Variants in QSER1 observed in about 807,000 individuals in gnomAD.
QSER1 encodes the protein glutamine and serine rich 1, also known as glutamine and serine-rich protein 1.
Under a neutral mutation model 158.5 loss-of-function variants are expected in QSER1, and 49 were observed. The ratio of observed to expected loss-of-function variants is 0.31; its 90% confidence interval spans 0.25 to 0.39. The LOEUF is 0.39. Ranked by LOEUF, QSER1 falls within the 10% of genes least tolerant of loss-of-function variation. QSER1 has a pLI of 1.00. For synonymous variants in QSER1, 650 were observed against 715.5 expected (o/e 0.91, Z 1.46); for missense variants, 1,754 against 2,010.3 (o/e 0.87, Z 2.44).
In QSER1 at chr11:32,975,301, C is replaced by A. The variant is rs1852954306; in HGVS notation, c.5412C>A (p.Leu1804=). 3.1e-6 allele frequency: 5 copies of A among 1,597,522 alleles called. No homozygotes were observed. In the East Asian group the frequency reaches 1.1e-4, roughly 36 times the overall value. The stretch of plus-strand genomic sequence containing the variant: ...AGTTGTATTCTTTGTATCATTCACT[C>A]CATCATTATAAGTACCATGTTTATC... ...KIQLYSLYHS[L]HHYKYHVYLI... is the part of the protein sequence containing the mutation. The change falls in exon 12 of 13, where the codon CTC becomes CTA. Residue 1804 remains leucine (L), a synonymous_variant. Transcript: ENST00000650167.
intron 1 of QSER1, among the ~76,000 whole-genome samples, chr11:32,909,818 T>TG (rs201767447): frequency 1.6e-3 from 237 of 151,818 alleles, no homozygotes; most frequent in African/African-American, 3.4e-3. Context: ...GTCGTGTGTA[T>TG]GGGGGGGGTG....
intron 1 of QSER1, among the ~76,000 whole-genome samples, chr11:32,921,204 G>A (rs761841134): frequency 6.6e-5 from 10 of 152,108 alleles, no homozygotes; most frequent in East Asian, 1.9e-4. Context: ...TTGTAATAAG[G>A]TGAACCTTGA....
intron 1 of QSER1, among the ~76,000 whole-genome samples, chr11:32,904,340 C>T (rs1421822174): frequency 3.3e-5 from 5 of 151,926 alleles, no homozygotes; most frequent in East Asian, 1.9e-4. Flanking sequence ...TTAAGGCATG[C>T]GCCACCCCAT....
intron 1 of QSER1, among the ~76,000 whole-genome samples, chr11:32,909,594 C>T (rs769141395): frequency 1.2e-4 from 18 of 152,054 alleles, no homozygotes; most frequent in Admixed American, 1.3e-4. Context: ...CGCACACCAC[C>T]ATGCCTGGCC....
In QSER1 at chr11:32,937,715, A is replaced by G. The variant is rs1310416799; in HGVS notation, c.4177+2280A>G. On this transcript the variant is annotated intron_variant, in intron 4 of 12. Transcript: ENST00000650167. Reference sequence around the variant, plus strand: ...CACCTCTGTGCTTCATGGGAAAAATAAAGATTATATGTAAAAATTCCTTTT... The same window carrying G: ...CACCTCTGTGCTTCATGGGAAAAATGAAGATTATATGTAAAAATTCCTTTT... 3.3e-5 allele frequency among the ~76,000 whole-genome samples: 5 copies of G among 152,246 alleles called. No individual in the cohort carries two copies. In the South Asian group the frequency reaches 1.0e-3, roughly 32 times the overall value.
intron 10 of QSER1, among the ~76,000 whole-genome samples, chr11:32,971,976 T>G (rs1446707063): frequency 3.4e-5 from 5 of 148,898 alleles, no homozygotes; most frequent in African/African-American, 1.2e-4. Context: ...GGCAGGAGAA[T>G]GGCGTGAACC....
At chr11:32,921,852 A>G (rs898527791) in intron 1 of QSER1, among the ~76,000 whole-genome samples, 1 of 152,236 alleles carries the variant, frequency 6.6e-6, no homozygotes. Flanking sequence ...TGAAGACACT[A>G]TAAACACAGT....
chr11:32,973,137 T>A lies in QSER1; in HGVS notation c.5206-260T>A, dbSNP rs546300924. On this transcript the variant is annotated intron_variant, in intron 10 of 12. Coordinates refer to ENST00000650167, the MANE Select transcript of QSER1 (RefSeq NM_001076786.3). ...ATAGAGTTGGCTCAGATTTAAGGGA[T>A]TTAAGGGAAATAGATTACATATCCA... is the stretch of plus-strand genomic sequence containing the variant. Among the ~76,000 whole-genome samples, 4 of 152,326 alleles carry A rather than the reference T, an allele frequency of 2.6e-5. No homozygotes were observed. In the East Asian group the frequency reaches 7.7e-4, roughly 29 times the overall value.
intron 4 of QSER1, among the ~76,000 whole-genome samples, chr11:32,946,516 C>T (rs1442331937): frequency 6.6e-6 from 1 of 152,172 alleles, no homozygotes; most frequent in Non-Finnish European, 1.5e-5. Context: ...TCAGGGTGCC[C>T]CTGCTGGAGG....
intron 1 of QSER1, among the ~76,000 whole-genome samples, chr11:32,905,490 A>G (rs531655212): frequency 8.5e-5 from 13 of 152,340 alleles, no homozygotes; most frequent in African/African-American, 1.4e-4. Context: ...AATGATGTCA[A>G]AGTAAAAGTG....
At chr11:32,901,967 C>T (rs1812183077) in intron 1 of QSER1, among the ~76,000 whole-genome samples, 2 of 152,138 alleles carry the variant, frequency 1.3e-5, no homozygotes, top group Non-Finnish European at 2.9e-5. Context: ...CCTGTGGTCC[C>T]AGCTACTTAG....
chr11:32,945,284 G>C (rs1393028296), intron 4 of QSER1, among the ~76,000 whole-genome samples: 1 of 150,906 alleles, frequency 6.6e-6, no homozygotes, highest in Non-Finnish European at 1.5e-5. Context: ...TCATTATGAT[G>C]TTAGCTGGTT....
At chr11:32,954,259 A>G in intron 5 of QSER1, 80 bp downstream of exon 5, 1 of 1,476,910 alleles carries the variant, frequency 6.8e-7, no homozygotes, top group Non-Finnish European at 9.0e-7. Context: ...CTTCAATAGC[A>G]TGCATCTACT....
At chr11:32,941,670 T>C (rs926326524) in intron 4 of QSER1, among the ~76,000 whole-genome samples, 2 of 152,194 alleles carry the variant, frequency 1.3e-5, no homozygotes, top group African/African-American at 4.8e-5. Context: ...TTTGCCATTC[T>C]GAATAATGCC....
chr11:32,939,184 T>C (rs984347139), intron 4 of QSER1, among the ~76,000 whole-genome samples: 4 of 152,188 alleles, frequency 2.6e-5, no homozygotes, highest in Non-Finnish European at 5.9e-5. Flanking sequence ...AAGTGACTGG[T>C]ATGTTTTTTC....
chr11:32,963,603 G>A (rs989157396), intron 8 of QSER1, among the ~76,000 whole-genome samples: 3 of 151,636 alleles, frequency 2.0e-5, no homozygotes, highest in East Asian at 1.9e-4. Flanking sequence ...CACCCGCCTC[G>A]GCCTCCCAAA....
chr11:32,901,798 G>C (rs1167326773), intron 1 of QSER1, among the ~76,000 whole-genome samples: 1 of 152,170 alleles, frequency 6.6e-6, no homozygotes, highest in Non-Finnish European at 1.5e-5. Flanking sequence ...AAAGGATAGG[G>C]AATGGCCAGG....
At chr11:32,941,212 TTTATTA>T (rs144498391) in intron 4 of QSER1, among the ~76,000 whole-genome samples, 22 of 146,434 alleles carry the variant, frequency 1.5e-4, no homozygotes, top group Admixed American at 6.8e-4. Context: ...AGTTTTTGTT[TTTATTA>T]TTATTATTAT....
chr11:32,899,652 C>T (rs558636606), intron 1 of QSER1, among the ~76,000 whole-genome samples: 1 of 149,664 alleles, frequency 6.7e-6, no homozygotes, highest in Admixed American at 6.6e-5. Context: ...TGCAGGGTGC[C>T]ACAAAAATGA....
Sources: gnomAD v4.1 joint callset for allele counts (sites outside exome capture counted in the v4.1 genomes callset) on GRCh38, gnomAD v4.1.1 for gene constraint, MANE v1.5 for transcripts, NCBI Gene and HGNC (gene_info 2026-07-23, HGNC 2026-07-21) for gene names.